UBN1: variants seen among roughly 807,000 people sequenced by gnomAD.
The protein encoded by UBN1 is ubinuclein 1.
Under a neutral mutation model 108.5 loss-of-function variants are expected in UBN1, and 17 were observed. The ratio of observed to expected loss-of-function variants is 0.16; its 90% CI spans 0.11 to 0.24. The LOEUF (loss-of-function observed/expected upper bound fraction) is 0.24, where lower values mean the gene tolerates loss of function less well. UBN1 is among the 10% of genes least tolerant of loss of function. The pLI, the probability that UBN1 is intolerant of heterozygous loss-of-function variation, is 1.00. For missense variants in UBN1, 1,595 were observed against 1,394.4 expected (o/e 1.14, Z -2.29); for synonymous variants, 726 against 564.2 (o/e 1.29, Z -4.07).
chr16:4,870,466 C>T (rs373348349), intron 9 of UBN1, 50 bp from the exon 10 acceptor site: 14 of 1,612,402 alleles, frequency 8.7e-6, no homozygotes, highest in South Asian at 2.2e-5. Context: ...GCGTCCTGAG[C>T]GTAAGAGCGA....
rs947696183 is a variant in UBN1 at position 4,860,745 on chromosome 16, A to G, written c.753A>G (p.Lys251=). 6.2e-7 allele frequency: 1 copy of G among 1,614,258 alleles called. No individual in the cohort carries two copies. The highest frequency in any genetic ancestry group is 8.5e-7 in the Non-Finnish European group (1 of 1,180,046). ...TAAGCGTTAAAGAGATGCTAAAGAA[A>G]TTTCAGAAAGAGAAAGAGGCTCAGA... ...GALSVKEMLK[K]FQKEKEAQKK... Residue 251 remains lysine, a synonymous_variant, in exon 7 of 18, where the codon AAA becomes AAG. Coordinates refer to ENST00000262376, the MANE Select transcript of UBN1 (RefSeq NM_001079514.3).
At chr16:4,863,324 G>A (rs776310336) in intron 7 of UBN1, among the ~76,000 whole-genome samples, 3 of 152,104 alleles carry the variant, frequency 2.0e-5, no homozygotes, top group Non-Finnish European at 2.9e-5. Context: ...CCCTGCACTT[G>A]GGGCACTTGG....
At position 4,881,448 on chromosome 16, in the gene UBN1, CTG is replaced by C. The variant is rs2088073286; in HGVS notation, c.*1319_*1320del. ...AGGGCACTTGCCTGTCTTGTGAGGT[CTG>C]TGCCACAAGGTGAGTCTGAACTGAC... On this transcript the variant is annotated 3_prime_UTR_variant, in exon 18 of 18. Transcript: ENST00000262376. 1.3e-5 allele frequency: 2 copies of C among 151,452 alleles called. No individual in the cohort carries two copies. The highest frequency in any genetic ancestry group is 3.9e-4 in the East Asian group (2 of 5,192). 9.4% of individuals were successfully genotyped at this position (151,452 alleles called of 1,614,324 possible). A position where few individuals can be genotyped will look rare whatever the true frequency, so the allele number is the denominator to read the frequency against.
Position 4,882,327 on chromosome 16 carries a change from A to C in UBN1, c.*2195A>C, listed in dbSNP as rs181873139. The C allele has an allele frequency of 2.0e-5, 3 of 152,728 alleles. No homozygotes were observed. Among genetic ancestry groups the C allele is most frequent in the Admixed American group, 6.5e-5 (1 of 15,292 alleles). The allele number at this position is 152,728 out of a possible 1,614,324, so 9.5% of individuals were successfully genotyped here. ...TGTGGAGATTGTTAATCTTGTATAA[A>C]GCAATTCAATAAATTGTTTCAAGGT... On this transcript the variant is annotated 3_prime_UTR_variant, in exon 18 of 18. Coordinates refer to ENST00000262376, the MANE Select transcript of UBN1 (RefSeq NM_001079514.3).
chr16:4,855,646 C>T (rs1194287050), intron 2 of UBN1, among the ~76,000 whole-genome samples: 1 of 150,126 alleles, frequency 6.7e-6, no homozygotes, highest in African/African-American at 2.5e-5. Flanking sequence ...AGGCCTGGCG[C>T]AGTGACTCAT....
At chr16:4,849,270 A>C (rs1934115899) in intron 1 of UBN1, among the ~76,000 whole-genome samples, 1 of 152,212 alleles carries the variant, frequency 6.6e-6, no homozygotes, top group Admixed American at 6.5e-5. Context: ...CAGGAAACAA[A>C]AATAAGAAAT....
chr16:4,870,257 G>T lies in UBN1; in HGVS notation c.1227G>T (p.Gly409=), dbSNP rs768783050. The part of the protein sequence containing the change: ...TRELSSQVRS[G]VYAYLASFLP... ...AGCTGAGCAGTCAGGTCCGCTCTGG[G>T]GTGTATGCCTATCTTGCGTCATTCC... is the stretch of plus-strand genomic sequence containing the variant. Residue 409 remains glycine, a synonymous_variant, in exon 9 of 18, where the codon GGG becomes GGT. Transcript: ENST00000262376. 1 of 1,614,190 alleles carries T rather than the reference G, an allele frequency of 6.2e-7. No homozygotes were observed. The highest frequency in any genetic ancestry group is 1.1e-5 in the South Asian group (1 of 91,076).
At chr16:4,867,395 T>C (rs1255961581) in intron 7 of UBN1, among the ~76,000 whole-genome samples, 2 of 148,284 alleles carry the variant, frequency 1.3e-5, no homozygotes, top group African/African-American at 5.0e-5. Context: ...AATCTGTGTA[T>C]AGAGGGCTAA....
At chr16:4,858,460 TTTAG>T (rs2086908133) in intron 3 of UBN1, 104 bp from the exon 4 acceptor site, 2 of 945,638 alleles carry the variant, frequency 2.1e-6, no homozygotes, top group Non-Finnish European at 3.3e-6. Context: ...GAGTGACTGT[TTTAG>T]TTAGTGCATT....
At chr16:4,873,630 A>G (rs187784945) in intron 14 of UBN1, among the ~76,000 whole-genome samples, 44 of 152,274 alleles carry the variant, frequency 2.9e-4, no homozygotes, top group African/African-American at 1.0e-3. Context: ...TGAGAATGAG[A>G]TGTGCAAATC....
chr16:4,869,832 TG>T (rs1385210477), intron 8 of UBN1, among the ~76,000 whole-genome samples: 2 of 152,060 alleles, frequency 1.3e-5, no homozygotes, highest in Non-Finnish European at 2.9e-5. Context: ...ACGTGGGGAC[TG>T]GGGGAAAAAA....
chr16:4,856,010 C>T (rs2086790872), intron 2 of UBN1, among the ~76,000 whole-genome samples: 1 of 152,220 alleles, frequency 6.6e-6, no homozygotes, highest in Non-Finnish European at 1.5e-5. Flanking sequence ...TGAGTCTGTA[C>T]CAAGGGTCAG....
chr16:4,880,808 T>C lies in UBN1; in HGVS notation c.*676T>C, dbSNP rs1210869345. 1 of 152,710 alleles carries C rather than the reference T, an allele frequency of 6.5e-6. No homozygotes were observed. The highest frequency in any genetic ancestry group is 2.4e-5 in the African/African-American group (1 of 41,432). The allele number at this position is 152,710 out of a possible 1,614,324, so 9.5% of individuals were successfully genotyped here. ...CCTATTTTGGGCTCAGTTTTCATCA[T>C]TACCATTAAATGCATTGGATAGAAG... is the stretch of plus-strand genomic sequence containing the variant. On this transcript the variant is annotated 3_prime_UTR_variant, in exon 18 of 18. Coordinates refer to ENST00000262376, the MANE Select transcript of UBN1 (RefSeq NM_001079514.3).
intron 2 of UBN1, among the ~76,000 whole-genome samples, chr16:4,857,633 T>A (rs2086875966): frequency 6.6e-6 from 1 of 152,178 alleles, no homozygotes; most frequent in Non-Finnish European, 1.5e-5. Flanking sequence ...TCTTAGAATG[T>A]TTTTAAATGC....
intron 2 of UBN1, among the ~76,000 whole-genome samples, chr16:4,856,776 C>T (rs1015453429): frequency 5.3e-5 from 8 of 152,142 alleles, no homozygotes; most frequent in Non-Finnish European, 1.0e-4. Flanking sequence ...AAGTTATATG[C>T]GATCATTGTA....
chr16:4,852,571 T>C (rs1473903932), intron 1 of UBN1: 1 of 162,334 alleles, frequency 6.2e-6, no homozygotes, highest in East Asian at 1.8e-4. Context: ...AAATGGAAAA[T>C]AATTAATATT....
At chr16:4,862,748 A>T (rs1277243551) in intron 7 of UBN1, among the ~76,000 whole-genome samples, 1 of 152,200 alleles carries the variant, frequency 6.6e-6, no homozygotes, top group Non-Finnish European at 1.5e-5. Context: ...AAAGATGGGG[A>T]CAGATTTAGT....
At chr16:4,876,757 G>A in intron 15 of UBN1, 114 bp from the exon 16 acceptor site, 5 of 1,473,686 alleles carry the variant, frequency 3.4e-6, no homozygotes, top group Non-Finnish European at 3.6e-6. Context: ...TGACATGGAT[G>A]TGTATGTCCT....
chr16:4,869,318 C>T (rs920794297), intron 8 of UBN1, among the ~76,000 whole-genome samples: 5 of 152,322 alleles, frequency 3.3e-5, no homozygotes, highest in Non-Finnish European at 5.9e-5. Flanking sequence ...CCTGGCTGTT[C>T]CGCTCGCTGG....
Sources: gnomAD v4.1 joint callset for allele counts (sites outside exome capture counted in the v4.1 genomes callset) on GRCh38, gnomAD v4.1.1 for gene constraint, MANE v1.5 for transcripts, NCBI Gene and HGNC (gene_info 2026-07-23, HGNC 2026-07-21) for gene names.